The following ZFAND6 variants were observed in gnomAD, a reference collection of about 807,000 sequenced individuals.
ZFAND6 encodes zinc finger AN1-type containing 6, also known as AN1-type zinc finger protein 6.
Under a neutral mutation model 24.5 loss-of-function variants are expected in ZFAND6, and 12 were observed. The observed-to-expected ratio is 0.49, with a 90% CI of 0.31 to 0.79. The LOEUF is 0.79. Among genes scored for constraint, ZFAND6 ranks in the 30% least tolerant of loss-of-function variants. ZFAND6 has a pLI of 0.04. For synonymous variants in ZFAND6, 92 were observed against 81.5 expected (o/e 1.13, Z -0.69); for missense variants, 207 against 245.9 (o/e 0.84, Z 1.06).
chr15:80,075,423 A>C (rs1198268358), intron 1 of ZFAND6: 1 of 170,412 alleles, frequency 5.9e-6, no homozygotes, highest in Non-Finnish European at 1.3e-5. Flanking sequence ...GTAATTCTGC[A>C]GTACTACTGA....
At chr15:80,078,461 A>G (rs560664724) in intron 1 of ZFAND6, among the ~76,000 whole-genome samples, 27 of 152,318 alleles carry the variant, frequency 1.8e-4, no homozygotes, top group South Asian at 1.2e-3. Flanking sequence ...TCCACTGTTG[A>G]TGGGCACCTA....
At chr15:80,079,971 A>G (rs2037552435) in intron 1 of ZFAND6, among the ~76,000 whole-genome samples, 1 of 150,586 alleles carries the variant, frequency 6.6e-6, no homozygotes, top group Non-Finnish European at 1.5e-5. Flanking sequence ...GAAACAGAAT[A>G]CACAACCGTT....
intron 5 of ZFAND6, among the ~76,000 whole-genome samples, chr15:80,124,997 G>A (rs2040314685): frequency 6.6e-6 from 1 of 152,072 alleles, no homozygotes; most frequent in African/African-American, 2.4e-5. Flanking sequence ...TTCTGTATGT[G>A]CACACACTCA....
chr15:80,101,079 A>T (rs189637758), intron 2 of ZFAND6, among the ~76,000 whole-genome samples: 68 of 152,350 alleles, frequency 4.5e-4, no homozygotes, highest in Non-Finnish European at 7.5e-4. Flanking sequence ...ATAGATTTTA[A>T]GGCTTTAGGA....
chr15:80,137,397 T>C (rs1371302970), intron 6 of ZFAND6, 83 bp from the exon 7 acceptor site: 5 of 1,449,038 alleles, frequency 3.5e-6, no homozygotes, highest in African/African-American at 3.0e-5. Context: ...GCCCTAAATA[T>C]ATTGTGCTGT....
chr15:80,114,371 G>A (rs958740739), intron 2 of ZFAND6, among the ~76,000 whole-genome samples: 9 of 152,144 alleles, frequency 5.9e-5, no homozygotes, highest in African/African-American at 2.2e-4. Context: ...TAGGCTGCTC[G>A]GGTTAAATTA....
At chr15:80,112,917 A>G in intron 2 of ZFAND6, 1 of 454,770 alleles carries the variant, frequency 2.2e-6, no homozygotes, top group South Asian at 1.6e-5. Context: ...CCTATTTTGC[A>G]CTCTTCTGGG....
At chr15:80,101,745 A>G (rs2039043551) in intron 2 of ZFAND6, among the ~76,000 whole-genome samples, 1 of 151,614 alleles carries the variant, frequency 6.6e-6, no homozygotes, top group South Asian at 2.1e-4. Flanking sequence ...TTCTTCAAGA[A>G]TCTTGGTGAA....
rs139489507 is a variant in ZFAND6 at position 80,109,138 on chromosome 15, G to A, written c.-18+10560G>A. Among the ~76,000 whole-genome samples the A allele has an allele frequency of 2.9e-3, 443 of 152,206 alleles. 3 individuals carry two copies. Among genetic ancestry groups the A allele is most frequent in the African/African-American group, 0.01 (426 of 41,524 alleles). ...AATTTCTTTAAAAGGAGCCTTTCTCGTTTTTTGCCTTGGGATAAATCCTTG... is the reference window on the plus strand; with the variant it reads ...AATTTCTTTAAAAGGAGCCTTTCTCATTTTTTGCCTTGGGATAAATCCTTG... On this transcript the variant is annotated intron_variant, in intron 2 of 6. Transcript: ENST00000261749.
At chr15:80,110,523 C>T (rs1175790800) in intron 2 of ZFAND6, among the ~76,000 whole-genome samples, 1 of 151,636 alleles carries the variant, frequency 6.6e-6, no homozygotes, top group Non-Finnish European at 1.5e-5. Flanking sequence ...TGGAAATTGA[C>T]AAACTGAATC....
intron 2 of ZFAND6, among the ~76,000 whole-genome samples, chr15:80,115,742 T>A (rs1041127233): frequency 6.6e-6 from 1 of 152,206 alleles, no homozygotes; most frequent in African/African-American, 2.4e-5. Context: ...TCTTGAGTTA[T>A]GAAAATCATT....
chr15:80,105,498 TTAAA>T (rs1408849532), intron 2 of ZFAND6, among the ~76,000 whole-genome samples: 3 of 152,196 alleles, frequency 2.0e-5, no homozygotes, highest in Non-Finnish European at 4.4e-5. Flanking sequence ...GATATGTGAC[TTAAA>T]TAAGCCACCC....
chr15:80,059,979 GGGCCGCGGGCGAGAGGGCGA>G (rs898927745), intron 1 of ZFAND6, among the ~76,000 whole-genome samples, 170 bp downstream of exon 1: 2 of 151,082 alleles, frequency 1.3e-5, no homozygotes, highest in Non-Finnish European at 3.0e-5. Flanking sequence ...GGGCCCGCGG[GGGCCGCGGGCGAGAGGGCGA>G]GGACTCCCGG....
At chr15:80,101,932 A>G (rs1183708915) in intron 2 of ZFAND6, among the ~76,000 whole-genome samples, 2 of 151,102 alleles carry the variant, frequency 1.3e-5, no homozygotes, top group East Asian at 2.0e-4. Context: ...AGCTGGGACT[A>G]CAGGCTCCTG....
At chr15:80,062,553 G>A (rs2036392078) in intron 1 of ZFAND6, among the ~76,000 whole-genome samples, 1 of 151,968 alleles carries the variant, frequency 6.6e-6, no homozygotes, top group African/African-American at 2.4e-5. Flanking sequence ...ATGTATGTAA[G>A]TGTGAATTTA....
chr15:80,137,228 A>G (rs150300894), intron 6 of ZFAND6, among the ~76,000 whole-genome samples: 105 of 152,336 alleles, frequency 6.9e-4, no homozygotes, highest in African/African-American at 2.0e-3. Context: ...TTAAGAAGTA[A>G]TTGTTGCCAT....
At chr15:80,134,111 C>T (rs993739208) in intron 6 of ZFAND6, among the ~76,000 whole-genome samples, 1 of 152,022 alleles carries the variant, frequency 6.6e-6, no homozygotes, top group Non-Finnish European at 1.5e-5. Flanking sequence ...CCTCAGCCTC[C>T]CTAGTAGCTG....
At chr15:80,067,820 A>G (rs2036734609) in intron 1 of ZFAND6, among the ~76,000 whole-genome samples, 1 of 152,166 alleles carries the variant, frequency 6.6e-6, no homozygotes, top group African/African-American at 2.4e-5. Context: ...GAACTGATGT[A>G]TTAAGTTTGA....
intron 2 of ZFAND6, among the ~76,000 whole-genome samples, chr15:80,113,337 C>T (rs1226345757): frequency 6.6e-6 from 1 of 152,132 alleles, no homozygotes; most frequent in Non-Finnish European, 1.5e-5. Context: ...TGACATTCCC[C>T]AATTTTTGAA....
Sources: allele counts gnomAD v4.1 joint callset (sites outside exome capture counted in the v4.1 genomes callset), GRCh38; gene constraint gnomAD v4.1.1; transcripts MANE v1.5; gene names NCBI Gene and HGNC (gene_info 2026-07-23, HGNC 2026-07-21).